USH2A: variants seen among roughly 807,000 people sequenced by gnomAD.
The protein encoded by USH2A is Usher syndrome 2A (autosomal recessive, mild).
Under a neutral mutation model 538.9 loss-of-function variants are expected in USH2A, and 443 were observed. The observed-to-expected ratio is 0.82, with a 90% CI of 0.76 to 0.89. The LOEUF is 0.89. Among genes scored for constraint, USH2A ranks in the 40% least tolerant of loss-of-function variants. The probability of loss-of-function intolerance (pLI) is 0.00; values close to 1 mark genes in which losing one functional copy is unlikely to be tolerated. For synonymous variants in USH2A, 2,413 were observed against 2,273.5 expected, an observed-to-expected ratio of 1.06 and a Z score of -1.75; for missense variants, 6,633 against 6,324.8, an observed-to-expected ratio of 1.05 and a Z score of -1.65.
chr1:216,312,864 A>C (rs771813095), intron 9 of USH2A, among the ~76,000 whole-genome samples: 2 of 151,930 alleles, frequency 1.3e-5, no homozygotes, highest in Non-Finnish European at 2.9e-5. Flanking sequence ...TTGGTGTTTT[A>C]GTGTGCTTTG....
At chr1:215,767,733 A>G (rs990021447) in intron 55 of USH2A, among the ~76,000 whole-genome samples, 7 of 152,110 alleles carry the variant, frequency 4.6e-5, no homozygotes, top group African/African-American at 1.7e-4. Flanking sequence ...AAAATGGGGA[A>G]TCATTATAGC....
intron 45 of USH2A, 109 bp downstream of exon 45, chr1:215,845,715 C>T (rs1465904796): frequency 3.2e-6 from 4 of 1,251,738 alleles, no homozygotes; most frequent in Non-Finnish European, 4.6e-6. Context: ...CCCCTTCCCT[C>T]CCACACCGGA....
At chr1:216,103,813 A>G (rs1023446931) in intron 21 of USH2A, among the ~76,000 whole-genome samples, 2 of 152,184 alleles carry the variant, frequency 1.3e-5, no homozygotes, top group African/African-American at 2.4e-5. Flanking sequence ...AAAGATGTTC[A>G]GTGTCATCAT....
intron 4 of USH2A, among the ~76,000 whole-genome samples, chr1:216,350,666 T>C (rs1386045252): frequency 6.6e-6 from 1 of 152,044 alleles, no homozygotes; most frequent in East Asian, 1.9e-4. Context: ...TCCCAAGGCC[T>C]TGGGAAGCTC....
In USH2A at chr1:215,861,932, C is replaced by T. The variant is rs1014776146; in HGVS notation, c.8845+5075G>A. 3.3e-4 allele frequency among the ~76,000 whole-genome samples: 50 copies of T among 151,450 alleles called. 1 individual carries two copies. The highest frequency in any genetic ancestry group is 9.7e-4 in the African/African-American group (40 of 41,268). The stretch of plus-strand genomic sequence containing the variant: ...TCGGCTCACTGCAACCTCCGCCTCC[C>T]GGGTACAAGCGAGTCTCCTGCCTCA... On this transcript the variant is annotated intron_variant, in intron 44 of 71. Coordinates refer to ENST00000307340, the MANE Select transcript of USH2A (RefSeq NM_206933.4).
intron 21 of USH2A, among the ~76,000 whole-genome samples, chr1:216,112,432 G>C (rs1439762465): frequency 6.6e-6 from 1 of 151,962 alleles, no homozygotes; most frequent in East Asian, 1.9e-4. Context: ...ATTTCATTCT[G>C]GTCTGTATAA....
chr1:216,285,356 T>C (rs969248957), intron 11 of USH2A, among the ~76,000 whole-genome samples: 1 of 152,224 alleles, frequency 6.6e-6, no homozygotes, highest in Non-Finnish European at 1.5e-5. Flanking sequence ...CTCCAAGCCT[T>C]GGCAGCTTCC....
At chr1:216,152,869 C>T (rs2033867264) in intron 21 of USH2A, among the ~76,000 whole-genome samples, 2 of 152,170 alleles carry the variant, frequency 1.3e-5, no homozygotes, top group Non-Finnish European at 1.5e-5. Context: ...CCCACCATGC[C>T]CCACTATCCT....
At chr1:216,271,869 C>A (rs965274170) in intron 11 of USH2A, among the ~76,000 whole-genome samples, 1 of 152,072 alleles carries the variant, frequency 6.6e-6, no homozygotes, top group African/African-American at 2.4e-5. Context: ...ATCCAATCAG[C>A]TATGATGCAT....
At chr1:216,172,069 T>G (rs1019636048) in intron 21 of USH2A, among the ~76,000 whole-genome samples, 4 of 152,082 alleles carry the variant, frequency 2.6e-5, no homozygotes, top group African/African-American at 9.6e-5. Flanking sequence ...GTATTAAGCT[T>G]GGTAATTTAC....
At chr1:215,865,479 A>T (rs1664445117) in intron 44 of USH2A, among the ~76,000 whole-genome samples, 1 of 152,196 alleles carries the variant, frequency 6.6e-6, no homozygotes, top group African/African-American at 2.4e-5. Flanking sequence ...ATCTTAACAG[A>T]AGTATTCAAA....
intron 11 of USH2A, among the ~76,000 whole-genome samples, chr1:216,277,588 T>C (rs1196205674): frequency 2.0e-5 from 3 of 152,132 alleles, no homozygotes. Context: ...CTACCTTCTG[T>C]TGCATGAGTA....
chr1:215,996,560 GTTTTTTTTTTTTTTT>G (rs753233925), intron 34 of USH2A, among the ~76,000 whole-genome samples: 559 of 51,704 alleles, frequency 0.011, 2 homozygotes, highest in Admixed American at 0.017. Context: ...AACATATTAT[GTTTTTTTTTTTTTTT>G]TTTTTTTTTT....
intron 63 of USH2A, 96 bp from the exon 64 acceptor site, chr1:215,671,389 C>T (rs1199889009): frequency 1.8e-5 from 23 of 1,252,668 alleles, no homozygotes; most frequent in Non-Finnish European, 2.5e-5. Flanking sequence ...AAAAGACAAG[C>T]TTACATGTAT....
At position 215,790,174 on chromosome 1, in the gene USH2A, A is replaced by G. The variant is rs1348542710; in HGVS notation, c.10067T>C (p.Val3356Ala). 6.2e-7 allele frequency: 1 copy of G among 1,614,074 alleles called. No individual in the cohort carries two copies. The highest frequency in any genetic ancestry group is 1.7e-5 in the Admixed American group (1 of 60,006). Residue 3356 changes from valine (V) to alanine (A), a missense_variant, in exon 51 of 72, where the codon GTA becomes GCA. Physicochemically the swap from Val to Ala is moderately conservative, Grantham distance 64. Transcript: ENST00000307340. ...AHIKKNDPVPVKCCETELIPK... is the reference protein window; with the variant it reads ...AHIKKNDPVPAKCCETELIPK... Reference sequence around the variant, plus strand: ...AATAAGTTCAGTCTCACAGCATTTTACTGGCACCGGGTCATTCTTTTTAAT... The same window carrying G: ...AATAAGTTCAGTCTCACAGCATTTTGCTGGCACCGGGTCATTCTTTTTAAT...
chr1:215,940,664 A>G (rs1389102291), intron 37 of USH2A, among the ~76,000 whole-genome samples: 1 of 152,154 alleles, frequency 6.6e-6, no homozygotes, highest in East Asian at 1.9e-4. Flanking sequence ...ATTTTGAAAG[A>G]GAAATAAATA....
chr1:216,225,368 A>G (rs567069389), intron 14 of USH2A, among the ~76,000 whole-genome samples: 172 of 152,314 alleles, frequency 1.1e-3, no homozygotes, highest in Non-Finnish European at 2.1e-3. Context: ...ATCCTTCTCC[A>G]TGCCCTTCTG....
chr1:216,179,445 G>T (rs1349857021), intron 20 of USH2A, among the ~76,000 whole-genome samples: 1 of 152,060 alleles, frequency 6.6e-6, no homozygotes, highest in South Asian at 2.1e-4. Context: ...CAATGGGACT[G>T]TCCTTTAGAA....
intron 11 of USH2A, among the ~76,000 whole-genome samples, chr1:216,263,833 C>G (rs2036420667): frequency 6.6e-6 from 1 of 152,028 alleles, no homozygotes; most frequent in South Asian, 2.1e-4. Flanking sequence ...TCAACTAGTT[C>G]TGGTTTACAG....
Sources: gnomAD v4.1 joint callset for allele counts (sites outside exome capture counted in the v4.1 genomes callset) on GRCh38, gnomAD v4.1.1 for gene constraint, MANE v1.5 for transcripts, NCBI Gene and HGNC (gene_info 2026-07-23, HGNC 2026-07-21) for gene names.